RPH3A: variants seen among roughly 807,000 people sequenced by gnomAD.
RPH3A encodes the protein rabphilin 3A, also known as rabphilin-3A.
A neutral mutation model predicts 102.2 loss-of-function variants in RPH3A; 48 were observed. The ratio of observed to expected loss-of-function variants is 0.47; its 90% CI spans 0.37 to 0.60. The LOEUF is 0.60. Ranked by LOEUF, RPH3A falls within the 20% of genes least tolerant of loss-of-function variation. The pLI is 0.00. For synonymous variants in RPH3A, 310 were observed against 324.3 expected, an observed-to-expected ratio of 0.96 and a Z score of 0.47; for missense variants, 781 against 910.1, an observed-to-expected ratio of 0.86 and a Z score of 1.83.
intron 1 of RPH3A, chr12:112,617,843 G>A (rs981731510): frequency 2.0e-5 from 3 of 152,084 alleles, no homozygotes; most frequent in African/African-American, 4.8e-5. Flanking sequence ...GGGACCACAG[G>A]TGCGTGCTAC....
chr12:112,668,819 T>TAAA (rs537551179), intron 1 of RPH3A, among the ~76,000 whole-genome samples: 5 of 146,228 alleles, frequency 3.4e-5, no homozygotes, highest in Non-Finnish European at 7.6e-5. Flanking sequence ...GACTTAAAGT[T>TAAA]AAAAAAAAAA....
intron 1 of RPH3A, among the ~76,000 whole-genome samples, chr12:112,580,181 T>C (rs1270500940): frequency 2.0e-5 from 3 of 151,944 alleles, no homozygotes; most frequent in African/African-American, 7.3e-5. Context: ...TGTCTCTGTC[T>C]CAATCATTTT....
chr12:112,843,292 G>C (rs1340473062), intron 4 of RPH3A, among the ~76,000 whole-genome samples: 1 of 152,168 alleles, frequency 6.6e-6, no homozygotes, highest in South Asian at 2.1e-4. Flanking sequence ...GTTTGCTTCT[G>C]GAATTAAAAC....
chr12:112,844,804 T>C (rs887755493), intron 4 of RPH3A, among the ~76,000 whole-genome samples: 1 of 152,160 alleles, frequency 6.6e-6, no homozygotes, highest in Admixed American at 6.5e-5. Flanking sequence ...ACAATTTCTG[T>C]GAGTAGGAAT....
At chr12:112,601,823 C>A (rs1436185146) in intron 1 of RPH3A, among the ~76,000 whole-genome samples, 2 of 151,424 alleles carry the variant, frequency 1.3e-5, no homozygotes, top group Non-Finnish European at 3.0e-5. Context: ...AGACTGTGGT[C>A]CCAGCTTCTT....
At chr12:112,592,563 C>T (rs1475239738) in intron 1 of RPH3A, among the ~76,000 whole-genome samples, 1 of 152,214 alleles carries the variant, frequency 6.6e-6, no homozygotes, top group East Asian at 1.9e-4. Flanking sequence ...ACGTGATCTG[C>T]CCGCCTTGGC....
At position 112,868,433 on chromosome 12, in the gene RPH3A, T is replaced by G; in HGVS notation, c.448T>G (p.Trp150Gly). 6.2e-7 allele frequency: 1 copy of G among 1,613,998 alleles called. No homozygotes were observed. Among genetic ancestry groups the G allele is most frequent in the Non-Finnish European group, 8.5e-7 (1 of 1,179,878 alleles). Residue 150 changes from tryptophan (W) to glycine (G), a missense_variant, in exon 8 of 22, where the codon TGG becomes GGG. Trp to Gly is a radical substitution (Grantham distance 184). Transcript: ENST00000389385. ...ATCCCTGTCTCTCCTCCCCAAGGTGTGGAAGCGTTCTGGAGCGTGGTTCTT... is the reference window on the plus strand; with the variant it reads ...ATCCCTGTCTCTCCTCCCCAAGGTGGGGAAGCGTTCTGGAGCGTGGTTCTT... ...CKICIEQREV[W>G]KRSGAWFFKG...
Position 112,897,041 on chromosome 12 carries a change from C to A in RPH3A, c.*261C>A. 2.3e-6 allele frequency: 1 copy of A among 427,328 alleles called. No homozygotes were observed. The highest frequency in any genetic ancestry group is 4.3e-6 in the Non-Finnish European group (1 of 233,140). The allele number at this position is 427,328 out of a possible 1,614,324, so 26.5% of individuals were successfully genotyped here. ...GGGGATGGGGTTGGGGAGACGTTTA[C>A]AAAGAGGTTGATCATTTAATAACCT... is the stretch of plus-strand genomic sequence containing the variant. On this transcript the variant is annotated 3_prime_UTR_variant, in exon 22 of 22. Coordinates refer to ENST00000389385, the MANE Select transcript of RPH3A (RefSeq NM_001143854.2).
At chr12:112,757,708 C>T (rs928133630) in intron 1 of RPH3A, among the ~76,000 whole-genome samples, 2 of 152,178 alleles carry the variant, frequency 1.3e-5, no homozygotes, top group Non-Finnish European at 2.9e-5. Context: ...AGAGCCCTCT[C>T]CCAGGGCTAA....
At chr12:112,732,220 G>C (rs2040639666) in intron 1 of RPH3A, among the ~76,000 whole-genome samples, 1 of 152,124 alleles carries the variant, frequency 6.6e-6, no homozygotes, top group African/African-American at 2.4e-5. Flanking sequence ...TGGGGTGTCA[G>C]GCCACTCTCT....
chr12:112,643,146 C>T (rs1008076471), intron 1 of RPH3A, among the ~76,000 whole-genome samples: 40 of 152,202 alleles, frequency 2.6e-4, no homozygotes, highest in Non-Finnish European at 7.3e-5. Context: ...AGATTTGAAT[C>T]TAGGCAGCCT....
At position 112,752,653 on chromosome 12, in the gene RPH3A, T is replaced by G. The variant is rs564171729; in HGVS notation, c.-139-39490T>G. Among the ~76,000 whole-genome samples the G allele has an allele frequency of 2.0e-5, 3 of 152,040 alleles. No individual in the cohort carries two copies. The South Asian group carries it at 6.2e-4, about 32-fold the overall frequency. On this transcript the variant is annotated intron_variant, in intron 1 of 21. Coordinates refer to the RPH3A transcript ENST00000543106. ...ATTTCAAAAAATAATTTTAAAAAAT[T>G]TGCTTCTTCAAATCAATAACTAGAA...
intron 1 of RPH3A, among the ~76,000 whole-genome samples, chr12:112,731,790 G>C (rs542396079): frequency 6.6e-6 from 1 of 152,200 alleles, no homozygotes; most frequent in African/African-American, 2.4e-5. Context: ...CAGGTGTTTT[G>C]TTTTTCTTTT....
chr12:112,605,090 T>G (rs1346402815), intron 1 of RPH3A, among the ~76,000 whole-genome samples: 4 of 152,236 alleles, frequency 2.6e-5, no homozygotes, highest in South Asian at 4.1e-4. Context: ...ACCACCACAC[T>G]CAGGACAGGT....
At chr12:112,589,544 C>A (rs1464790615) in intron 1 of RPH3A, among the ~76,000 whole-genome samples, 1 of 152,192 alleles carries the variant, frequency 6.6e-6, no homozygotes, top group Non-Finnish European at 1.5e-5. Context: ...CCATTTCCTT[C>A]AATTCTCAAC....
At chr12:112,760,921 T>C (rs988139783) in intron 1 of RPH3A, among the ~76,000 whole-genome samples, 5 of 152,150 alleles carry the variant, frequency 3.3e-5, no homozygotes, top group African/African-American at 7.2e-5. Flanking sequence ...CAACACAATG[T>C]TCCAGACAGC....
At chr12:112,891,030 T>C in intron 19 of RPH3A, 27 bp downstream of exon 19, 1 of 1,613,376 alleles carries the variant, frequency 6.2e-7, no homozygotes, top group Non-Finnish European at 8.5e-7. Flanking sequence ...GGGCTACAGG[T>C]GGGCCCTGAA....
intron 1 of RPH3A, among the ~76,000 whole-genome samples, chr12:112,759,216 G>T (rs2040839092): frequency 6.7e-6 from 1 of 149,850 alleles, no homozygotes; most frequent in Non-Finnish European, 1.5e-5. Flanking sequence ...ATTCGTGTGT[G>T]TTTGTGTGTG....
At chr12:112,630,562 G>A (rs73431652) in intron 1 of RPH3A, among the ~76,000 whole-genome samples, 3,543 of 152,294 alleles carry the variant, frequency 0.023, 143 homozygotes, top group African/African-American at 0.08. Context: ...GTAGGTTAGG[G>A]CAGAGCCTCC....
Sources: allele counts gnomAD v4.1 joint callset (sites outside exome capture counted in the v4.1 genomes callset), GRCh38; gene constraint gnomAD v4.1.1; transcripts MANE v1.5; gene names NCBI Gene and HGNC (gene_info 2026-07-23, HGNC 2026-07-21).